SDK1: variants seen among roughly 807,000 people sequenced by gnomAD.
The protein encoded by SDK1 is protein sidekick-1.
SDK1 carries 157 observed loss-of-function variants against 245.5 expected under a neutral mutation model. That is an observed-to-expected ratio of 0.64 (90% CI 0.56 to 0.73). The LOEUF is 0.73. Among genes scored for constraint, SDK1 ranks in the 30% least tolerant of loss-of-function variants. SDK1 has a pLI of 0.00. For missense variants in SDK1, 3,583 were observed against 3,002.3 expected, an observed-to-expected ratio of 1.19 and a Z score of -4.52; for synonymous variants, 1,647 against 1,278.5, an observed-to-expected ratio of 1.29 and a Z score of -6.15.
At position 4,075,266 on chromosome 7, in the gene SDK1, C is replaced by T. The variant is rs533814077; in HGVS notation, c.3011-1732C>T. Among the ~76,000 whole-genome samples, 29 of 152,274 alleles carry T rather than the reference C, an allele frequency of 1.9e-4. No homozygotes were observed. In the East Asian group the frequency reaches 3.3e-3, roughly 17 times the overall value. On this transcript the variant is annotated intron_variant, in intron 20 of 44. Transcript: ENST00000404826. ...CGCCCACACGGGAGTCCCCTCAGCC[C>T]GCACACAGAAGCTGCCAGGCTGTAC...
chr7:3,315,611 C>T (rs1779646624), intron 1 of SDK1, among the ~76,000 whole-genome samples: 1 of 152,124 alleles, frequency 6.6e-6, no homozygotes, highest in Admixed American at 6.6e-5. Flanking sequence ...AGAAATAGAC[C>T]AGCCTACTTA....
At chr7:3,978,310 C>A (rs1319591801) in intron 13 of SDK1, among the ~76,000 whole-genome samples, 1 of 152,160 alleles carries the variant, frequency 6.6e-6, no homozygotes, top group Admixed American at 6.5e-5. Flanking sequence ...GTTTTATGGT[C>A]TACTGATTTA....
intron 4 of SDK1, among the ~76,000 whole-genome samples, chr7:3,788,223 C>T (rs1009105667): frequency 6.6e-6 from 1 of 152,210 alleles, no homozygotes; most frequent in Non-Finnish European, 1.5e-5. Flanking sequence ...TCATGGGTGG[C>T]TACTGCTGCC....
At chr7:3,302,508 C>G (rs1045220390) in intron 1 of SDK1, 1 of 152,100 alleles carries the variant, frequency 6.6e-6, no homozygotes. Context: ...GTGGTGAGCT[C>G]TGAAATAGGG....
chr7:4,209,005 G>A (rs567409667), intron 37 of SDK1, among the ~76,000 whole-genome samples: 9 of 152,322 alleles, frequency 5.9e-5, no homozygotes, highest in South Asian at 4.1e-4. Context: ...TCTGGGAACC[G>A]TGGGCAGAGA....
chr7:3,686,994 CAAG>C (rs1784302123), intron 4 of SDK1, among the ~76,000 whole-genome samples: 1 of 149,732 alleles, frequency 6.7e-6, no homozygotes, highest in South Asian at 2.1e-4. Context: ...ATCTGCAGCT[CAAG>C]AAGGGAGATC....
chr7:4,218,087 G>C (rs1321887654), intron 38 of SDK1, among the ~76,000 whole-genome samples: 4 of 152,158 alleles, frequency 2.6e-5, no homozygotes, highest in Non-Finnish European at 5.9e-5. Context: ...GGAAAACCCA[G>C]TTTTGGAGGG....
At chr7:4,198,042 G>A (rs1783681870) in intron 35 of SDK1, among the ~76,000 whole-genome samples, 1 of 152,252 alleles carries the variant, frequency 6.6e-6, no homozygotes, top group African/African-American at 2.4e-5. Context: ...GCGAGGCCCT[G>A]TGGAATCAAA....
At chr7:4,081,781 T>A (rs1435201261) in intron 22 of SDK1, among the ~76,000 whole-genome samples, 1 of 152,050 alleles carries the variant, frequency 6.6e-6, no homozygotes, top group Admixed American at 6.5e-5. Context: ...AAGAATAGAG[T>A]AAGCCCTCTT....
At chr7:4,226,602 G>A (rs758977355) in intron 40 of SDK1, among the ~76,000 whole-genome samples, 4 of 152,202 alleles carry the variant, frequency 2.6e-5, no homozygotes, top group African/African-American at 4.8e-5. Context: ...TGGAGAGGGC[G>A]CTCCATGAGT....
intron 4 of SDK1, among the ~76,000 whole-genome samples, chr7:3,717,642 G>A (rs78831628): frequency 0.027 from 4,128 of 152,234 alleles, 196 homozygotes; most frequent in African/African-American, 0.095. Context: ...ACTACAGCAG[G>A]TTTATGCCCA....
At chr7:3,531,352 A>T (rs200318287) in intron 1 of SDK1, among the ~76,000 whole-genome samples, 10 of 152,332 alleles carry the variant, frequency 6.6e-5, no homozygotes, top group African/African-American at 2.4e-4. Flanking sequence ...TAGGTTATTT[A>T]GTAGTAAGAA....
At chr7:3,844,252 A>G (rs1305515611) in intron 5 of SDK1, among the ~76,000 whole-genome samples, 2 of 152,200 alleles carry the variant, frequency 1.3e-5, no homozygotes, top group East Asian at 1.9e-4. Context: ...ATTACAGGCC[A>G]TGAGCCACCG....
chr7:3,322,356 G>A (rs1779839046), intron 1 of SDK1, among the ~76,000 whole-genome samples: 1 of 152,170 alleles, frequency 6.6e-6, no homozygotes, highest in East Asian at 1.9e-4. Context: ...TTGTATGTAT[G>A]TGCCACAGTT....
At chr7:3,317,180 C>CA (rs57138474) in intron 1 of SDK1, among the ~76,000 whole-genome samples, 1,244 of 32,740 alleles carry the variant, frequency 0.038, 252 homozygotes, top group Middle Eastern at 0.05. Context: ...GACTCTGTCT[C>CA]AAAAAAAAAA....
Position 4,026,191 on chromosome 7 carries a change from G to C in SDK1, c.2602+8839G>C, listed in dbSNP as rs1435291740. On this transcript the variant is annotated intron_variant, in intron 17 of 44. Coordinates refer to ENST00000404826, the MANE Select transcript of SDK1 (RefSeq NM_152744.4). This position sits in a 1 kb window ranked among gnomAD's most constrained non-coding sequence, Gnocchi z 4.1. The stretch of plus-strand genomic sequence containing the variant: ...AGCTGGTCGTGGGAAGAGTGGAAGA[G>C]AAACCACAAACATGCAATTTTCAGA... 6.6e-6 allele frequency among the ~76,000 whole-genome samples: 1 copy of C among 152,210 alleles called. No homozygotes were observed. Among genetic ancestry groups the C allele is most frequent in the Non-Finnish European group, 1.5e-5 (1 of 68,042 alleles).
At chr7:4,136,766 G>A (rs1407320205) in intron 28 of SDK1, among the ~76,000 whole-genome samples, 1 of 152,248 alleles carries the variant, frequency 6.6e-6, no homozygotes, top group Non-Finnish European at 1.5e-5. Context: ...GCCAGCAGGA[G>A]GGCCTAACAT....
At chr7:3,811,361 G>A (rs1201097707) in intron 4 of SDK1, among the ~76,000 whole-genome samples, 1 of 152,184 alleles carries the variant, frequency 6.6e-6, no homozygotes, top group Non-Finnish European at 1.5e-5. Context: ...GTCATTGATG[G>A]TGTTACTTCC....
intron 17 of SDK1, among the ~76,000 whole-genome samples, chr7:4,042,909 T>C (rs76526309): frequency 0.077 from 11,695 of 152,274 alleles, 1,025 homozygotes; most frequent in African/African-American, 0.21. Flanking sequence ...TCATTTCTGA[T>C]GGCGGTAATC....
Sources: gnomAD v4.1 joint callset for allele counts (sites outside exome capture counted in the v4.1 genomes callset) on GRCh38, gnomAD v4.1.1 for gene constraint, Gnocchi (gnomAD v3.1) non-coding constraint, MANE v1.5 for transcripts, NCBI Gene and HGNC (gene_info 2026-07-23, HGNC 2026-07-21) for gene names.